Variants in MYLK4 observed in about 807,000 individuals in gnomAD.
MYLK4 encodes caMLCK like.
MYLK4 carries 46 observed loss-of-function variants against 48.1 expected under a neutral mutation model. That is an observed-to-expected ratio of 0.96 (90% confidence interval 0.75 to 1.22). MYLK4 has a LOEUF of 1.22. Among genes scored for constraint, MYLK4 ranks in the 50% most tolerant of loss-of-function variants. The pLI, the probability that MYLK4 is intolerant of heterozygous loss-of-function variation, is 0.00. For missense variants in MYLK4, 451 were observed against 486.1 expected (o/e 0.93, Z 0.68); for synonymous variants, 170 against 180.8 (o/e 0.94, Z 0.48).
At chr6:2,701,083 A>G (rs1191550191) in intron 2 of MYLK4, among the ~76,000 whole-genome samples, 1 of 152,208 alleles carries the variant, frequency 6.6e-6, no homozygotes, top group Non-Finnish European at 1.5e-5. Context: ...TGTTCATTTC[A>G]TTAAAATGAG....
intron 11 of MYLK4, 77 bp downstream of exon 11, chr6:2,674,970 T>C: frequency 1.0e-6 from 1 of 977,312 alleles, no homozygotes; most frequent in Non-Finnish European, 1.7e-6. Context: ...TATTTAAGGT[T>C]AAGATGACTC....
chr6:2,685,797 A>T lies in MYLK4; in HGVS notation c.342-221T>A, dbSNP rs9501876. On this transcript the variant is annotated intron_variant, in intron 4 of 12. Coordinates refer to ENST00000274643, the MANE Select transcript of MYLK4 (RefSeq NM_001012418.5). The surrounding 1 kb of genome is among the most constrained non-coding windows in gnomAD (Gnocchi z 4.5). ...TTAAGAAAGCAGGTCTCGGCCGGGC[A>T]CGGTGGCTCACACCTGTAATCCCAG... Among the ~76,000 whole-genome samples, 1 of 151,866 alleles carries T rather than the reference A, an allele frequency of 6.6e-6. No individual in the cohort carries two copies. Among genetic ancestry groups the T allele is most frequent in the African/African-American group, 2.4e-5 (1 of 41,330 alleles).
chr6:2,663,828 C>G lies in MYLK4; in HGVS notation c.*4097G>C, dbSNP rs538605722. On this transcript the variant is annotated 3_prime_UTR_variant, in exon 13 of 13. Coordinates refer to ENST00000274643, the MANE Select transcript of MYLK4 (RefSeq NM_001012418.5). ...ACCAATAAACCTAGTCAGAAAGACTCACTGACATCTATCAGCTGAGACGAC... is the reference window on the plus strand; with the variant it reads ...ACCAATAAACCTAGTCAGAAAGACTGACTGACATCTATCAGCTGAGACGAC... 6.6e-6 allele frequency: 1 copy of G among 152,574 alleles called. No individual in the cohort carries two copies. Among genetic ancestry groups the G allele is most frequent in the Non-Finnish European group, 1.5e-5 (1 of 68,030 alleles). The allele number at this position is 152,574 out of a possible 1,614,324, so 9.5% of individuals were successfully genotyped here.
chr6:2,703,812 A>G (rs764996023), intron 2 of MYLK4, among the ~76,000 whole-genome samples: 6 of 151,842 alleles, frequency 4.0e-5, no homozygotes, highest in Admixed American at 6.6e-5. Context: ...CTGGGACTAT[A>G]GGCGTGTGCC....
intron 2 of MYLK4, among the ~76,000 whole-genome samples, chr6:2,710,865 T>C (rs149923323): frequency 0.013 from 1,981 of 152,352 alleles, 26 homozygotes; most frequent in Non-Finnish European, 0.02. Context: ...CAGACTGTCT[T>C]ACAGTAGCTT....
At chr6:2,701,337 C>T (rs1361819454) in intron 2 of MYLK4, among the ~76,000 whole-genome samples, 9 of 152,130 alleles carry the variant, frequency 5.9e-5, no homozygotes, top group African/African-American at 7.2e-5. Flanking sequence ...TCGGCCTCCC[C>T]GAGCCCCACT....
chr6:2,675,586 G>A (rs575877092), intron 10 of MYLK4, among the ~76,000 whole-genome samples: 33 of 152,236 alleles, frequency 2.2e-4, no homozygotes, highest in Non-Finnish European at 3.8e-4. Context: ...GAGTTAAATA[G>A]GTAGGGAAAT....
chr6:2,734,203 GA>G (rs1763576388), intron 2 of MYLK4, among the ~76,000 whole-genome samples: 1 of 152,184 alleles, frequency 6.6e-6, no homozygotes, highest in Non-Finnish European at 1.5e-5. Context: ...TTACAGGATG[GA>G]ATCTCACAGG....
chr6:2,741,143 A>G (rs1192559546), intron 2 of MYLK4, among the ~76,000 whole-genome samples: 2 of 152,258 alleles, frequency 1.3e-5, no homozygotes, highest in Non-Finnish European at 2.9e-5. Flanking sequence ...GCATGTAAAT[A>G]TAGCAAAAAT....
chr6:2,679,640 T>C (rs1761219058), intron 8 of MYLK4, among the ~76,000 whole-genome samples: 1 of 152,218 alleles, frequency 6.6e-6, no homozygotes, highest in Non-Finnish European at 1.5e-5. Context: ...GAACCAGTTG[T>C]TGGAGAAGCT....
intron 2 of MYLK4, among the ~76,000 whole-genome samples, chr6:2,693,405 C>T (rs531205349): frequency 1.3e-5 from 2 of 152,224 alleles, no homozygotes; most frequent in South Asian, 2.1e-4. Context: ...CTCTGTAAAC[C>T]AGAGAGTAGG....
intron 2 of MYLK4, among the ~76,000 whole-genome samples, chr6:2,740,051 G>A (rs1763839146): frequency 6.6e-6 from 1 of 152,210 alleles, no homozygotes; most frequent in Non-Finnish European, 1.5e-5. Flanking sequence ...GGGTATAGCA[G>A]GACAATCCTT....
chr6:2,692,668 A>T, intron 3 of MYLK4, 116 bp downstream of exon 3: 1 of 756,034 alleles, frequency 1.3e-6, no homozygotes, highest in Non-Finnish European at 1.9e-6. Flanking sequence ...TTTTTTATAA[A>T]CATCACTTCT....
intron 6 of MYLK4, among the ~76,000 whole-genome samples, chr6:2,684,655 A>C (rs2113134926): frequency 6.6e-6 from 1 of 152,290 alleles, no homozygotes; most frequent in South Asian, 2.1e-4. Context: ...TTTTTAAAAA[A>C]TACAGTATAA....
At chr6:2,700,142 G>T (rs1036198868) in intron 2 of MYLK4, among the ~76,000 whole-genome samples, 1 of 152,004 alleles carries the variant, frequency 6.6e-6, no homozygotes, top group Non-Finnish European at 1.5e-5. Flanking sequence ...CAGAGAAAAC[G>T]CTGAGTCCTC....
chr6:2,770,349 A>G, the MYLK4 span: 4 of 1,614,060 alleles, frequency 2.5e-6, no homozygotes, highest in African/African-American at 4.0e-5. Context: ...CACAGCAGCA[A>G]CAGCAGCTCA....
At chr6:2,711,074 A>G (rs1417081367) in intron 2 of MYLK4, among the ~76,000 whole-genome samples, 1 of 152,172 alleles carries the variant, frequency 6.6e-6, no homozygotes, top group Non-Finnish European at 1.5e-5. Flanking sequence ...ATAACCACAC[A>G]CAGCTGTGTA....
the MYLK4 span, among the ~76,000 whole-genome samples, chr6:2,768,440 G>C: frequency 6.6e-6 from 1 of 152,226 alleles, no homozygotes; most frequent in Non-Finnish European, 1.5e-5. Context: ...ATCAAAGGTG[G>C]TTAGGGACAG....
the MYLK4 span, among the ~76,000 whole-genome samples, chr6:2,764,899 C>G: frequency 6.6e-6 from 1 of 152,220 alleles, no homozygotes; most frequent in African/African-American, 2.4e-5. Flanking sequence ...TGTATTTTTT[C>G]TGCTGTTCAC....
Sources: gnomAD v4.1 joint callset for allele counts (sites outside exome capture counted in the v4.1 genomes callset) on GRCh38, gnomAD v4.1.1 for gene constraint, Gnocchi (gnomAD v3.1) non-coding constraint, MANE v1.5 for transcripts, NCBI Gene and HGNC (gene_info 2026-07-23, HGNC 2026-07-21) for gene names.